FNIP2: variants seen among roughly 807,000 people sequenced by gnomAD.
FNIP2 encodes folliculin-interacting protein 2.
In FNIP2, 32 loss-of-function variants were observed where a neutral mutation model predicts 108.7. That is an observed-to-expected ratio of 0.29 (90% CI 0.22 to 0.40). The LOEUF is 0.40. FNIP2 is among the 10% of genes least tolerant of loss of function. FNIP2 has a pLI of 1.00. For synonymous variants in FNIP2, 480 were observed against 496.7 expected, an observed-to-expected ratio of 0.97 and a Z score of 0.45; for missense variants, 1,202 against 1,381.6, an observed-to-expected ratio of 0.87 and a Z score of 2.06.
At chr4:158,860,722 T>C (rs1780237012) in intron 10 of FNIP2, among the ~76,000 whole-genome samples, 3 of 148,772 alleles carry the variant, frequency 2.0e-5, no homozygotes, top group African/African-American at 7.4e-5. Flanking sequence ...AGTGGTGCGA[T>C]CTCGGCTCGC....
intron 3 of FNIP2, 148 bp downstream of exon 3, chr4:158,829,373 A>G: frequency 1.5e-6 from 1 of 670,380 alleles, no homozygotes; most frequent in Non-Finnish European, 2.3e-6. Flanking sequence ...TTTCACATCG[A>G]TGTTGTTTTT....
chr4:158,875,619 G>A (rs1044829115), intron 14 of FNIP2, among the ~76,000 whole-genome samples: 6 of 149,676 alleles, frequency 4.0e-5, no homozygotes, highest in South Asian at 2.1e-4. Flanking sequence ...CCTTCAAATG[G>A]TAAATCATTA....
Position 158,868,040 on chromosome 4 carries a change from G to C in FNIP2, c.1466-62G>C, listed in dbSNP as rs1005944556. ...TATCTGTTTTGCTCTTGTAAAGACG[G>C]ATATATCTGTGACATGCTAACCCCA... On this transcript the variant is annotated intron_variant, in intron 12 of 16. Coordinates refer to ENST00000264433, the MANE Select transcript of FNIP2 (RefSeq NM_020840.3). This position sits in a 1 kb window ranked among gnomAD's most constrained non-coding sequence, Gnocchi z 4.6. 7.0e-6 allele frequency: 11 copies of C among 1,581,574 alleles called. No homozygotes were observed. The African/African-American group carries it at 1.4e-4, about 19-fold the overall frequency.
intron 4 of FNIP2, 42 bp from the exon 5 acceptor site, chr4:158,832,025 T>A (rs1315328769): frequency 1.9e-6 from 3 of 1,603,498 alleles, no homozygotes; most frequent in Non-Finnish European, 1.7e-6. Flanking sequence ...ACTCCTTAAC[T>A]CATAAATTTA....
intron 6 of FNIP2, chr4:158,834,733 G>C (rs1364006698): frequency 6.6e-6 from 1 of 152,192 alleles, no homozygotes; most frequent in African/African-American, 2.4e-5. Context: ...TAAGTATACA[G>C]CTTAGGTCAA....
At chr4:158,845,430 G>A (rs987023267) in intron 7 of FNIP2, among the ~76,000 whole-genome samples, 1 of 152,206 alleles carries the variant, frequency 6.6e-6, no homozygotes, top group African/African-American at 2.4e-5. Flanking sequence ...TCTTTTTAAA[G>A]AGATGAGGTC....
At chr4:158,794,122 A>G (rs1359598116) in intron 1 of FNIP2, among the ~76,000 whole-genome samples, 1 of 152,138 alleles carries the variant, frequency 6.6e-6, no homozygotes, top group Non-Finnish European at 1.5e-5. Flanking sequence ...AAGATTTTGT[A>G]TATGTTGGAT....
At chr4:158,883,054 CAAG>C (rs1781779271) in intron 14 of FNIP2, among the ~76,000 whole-genome samples, 1 of 149,402 alleles carries the variant, frequency 6.7e-6, no homozygotes, top group African/African-American at 2.5e-5. Context: ...TCAGAAACTA[CAAG>C]AAGCTATCAC....
intron 10 of FNIP2, among the ~76,000 whole-genome samples, chr4:158,860,600 C>T (rs924046060): frequency 2.0e-5 from 3 of 150,830 alleles, no homozygotes; most frequent in Non-Finnish European, 2.9e-5. Context: ...GCCTGTTGCT[C>T]TGCTGTGGTC....
chr4:158,849,144 A>T (rs918904896), intron 7 of FNIP2, among the ~76,000 whole-genome samples: 10 of 152,232 alleles, frequency 6.6e-5, no homozygotes, highest in Non-Finnish European at 1.3e-4. Flanking sequence ...GAATTTCCTT[A>T]TAGCCAGCTC....
intron 7 of FNIP2, among the ~76,000 whole-genome samples, chr4:158,850,547 G>T (rs995489046): frequency 6.6e-6 from 1 of 150,800 alleles, no homozygotes; most frequent in African/African-American, 2.4e-5. Context: ...AGCAGAGAAA[G>T]GTTCAGAGGC....
chr4:158,795,327 C>T (rs1239015867), intron 1 of FNIP2, among the ~76,000 whole-genome samples: 2 of 152,210 alleles, frequency 1.3e-5, no homozygotes, highest in Non-Finnish European at 1.5e-5. Context: ...GAACCACTTA[C>T]TAACTGCCTG....
intron 1 of FNIP2, among the ~76,000 whole-genome samples, chr4:158,820,157 T>G (rs997941317): frequency 6.6e-6 from 1 of 152,234 alleles, no homozygotes; most frequent in African/African-American, 2.4e-5. Flanking sequence ...CATTCCTGAC[T>G]GTTTAAATAT....
intron 1 of FNIP2, among the ~76,000 whole-genome samples, chr4:158,815,851 C>G (rs1256529892): frequency 1.3e-5 from 2 of 152,106 alleles, no homozygotes; most frequent in Non-Finnish European, 2.9e-5. Context: ...AAAAATATGT[C>G]TTGGAGTTTA....
intron 14 of FNIP2, among the ~76,000 whole-genome samples, chr4:158,877,853 T>C (rs1781368009): frequency 6.6e-6 from 1 of 152,092 alleles, no homozygotes; most frequent in Non-Finnish European, 1.5e-5. Flanking sequence ...GGTGGGAGAA[T>C]GATTTGAGCT....
In FNIP2 at chr4:158,829,095, C is replaced by T. The variant is rs1044925805; in HGVS notation, c.251C>T (p.Pro84Leu). 1 of 1,609,826 alleles carries T rather than the reference C, an allele frequency of 6.2e-7. No homozygotes were observed. ...TTAACCTAGAAAACAGAGGATGTTCCTATTAAAATATCAGCCAAGTGCTGC... is the reference window on the plus strand; with the variant it reads ...TTAACCTAGAAAACAGAGGATGTTCTTATTAAAATATCAGCCAAGTGCTGC... ...EVTAQKTEDV[P>L]IKISAKCCQG... Residue 84 changes from proline to leucine, a missense_variant, in exon 3 of 17, where the codon CCT becomes CTT. Coordinates refer to ENST00000264433, the MANE Select transcript of FNIP2 (RefSeq NM_020840.3).
At chr4:158,820,403 A>G (rs558580531) in intron 1 of FNIP2, among the ~76,000 whole-genome samples, 19 of 152,346 alleles carry the variant, frequency 1.2e-4, no homozygotes, top group Middle Eastern at 3.4e-3. Flanking sequence ...AACATGTTAT[A>G]CAACTACTGC....
chr4:158,829,388 T>C (rs1431164970), intron 3 of FNIP2, among the ~76,000 whole-genome samples, 163 bp downstream of exon 3: 1 of 152,200 alleles, frequency 6.6e-6, no homozygotes, highest in Non-Finnish European at 1.5e-5. Context: ...GTTTTTGCTC[T>C]TTGGCTTTTA....
chr4:158,825,487 C>T (rs563633331), intron 1 of FNIP2, among the ~76,000 whole-genome samples: 11 of 152,216 alleles, frequency 7.2e-5, no homozygotes, highest in African/African-American at 2.2e-4. Context: ...AAGGCTCTAC[C>T]GACTTGCTCC....
Sources: gnomAD v4.1 joint callset for allele counts (sites outside exome capture counted in the v4.1 genomes callset) on GRCh38, gnomAD v4.1.1 for gene constraint, Gnocchi (gnomAD v3.1) non-coding constraint, MANE v1.5 for transcripts, NCBI Gene and HGNC (gene_info 2026-07-23, HGNC 2026-07-21) for gene names.